The following BICC1 variants were observed in gnomAD, a reference collection of about 807,000 sequenced individuals.
BICC1 encodes the protein BicC family RNA binding protein 1, also known as protein bicaudal C homolog 1.
Under a neutral mutation model 111.0 loss-of-function variants are expected in BICC1, and 43 were observed. That is an observed-to-expected ratio of 0.39 (90% CI 0.30 to 0.50). The LOEUF (loss-of-function observed/expected upper bound fraction) is 0.50. Among genes scored for constraint, BICC1 ranks in the 20% least tolerant of loss-of-function variants. The probability of loss-of-function intolerance (pLI) is 0.88; values close to 1 mark genes in which losing one functional copy is unlikely to be tolerated. For synonymous variants in BICC1, 467 were observed against 434.4 expected (o/e 1.07, Z -0.93); for missense variants, 1,091 against 1,203.2 (o/e 0.91, Z 1.38).
intron 1 of BICC1, among the ~76,000 whole-genome samples, chr10:58,614,685 G>A (rs948124710): frequency 2.6e-5 from 4 of 152,052 alleles, no homozygotes; most frequent in African/African-American, 9.7e-5. Flanking sequence ...TTCTGTGAAG[G>A]GTGTTTAGTG....
chr10:58,762,560 T>C (rs1026206638), intron 3 of BICC1, among the ~76,000 whole-genome samples: 11 of 152,152 alleles, frequency 7.2e-5, no homozygotes, highest in African/African-American at 2.7e-4. Flanking sequence ...GGTTATTAAG[T>C]GGCCAGCATT....
chr10:58,545,648 A>AT (rs1843117398), intron 1 of BICC1, among the ~76,000 whole-genome samples: 1 of 152,048 alleles, frequency 6.6e-6, no homozygotes, highest in Non-Finnish European at 1.5e-5. Context: ...CAAATAACTG[A>AT]TTTTTCCATT....
intron 1 of BICC1, among the ~76,000 whole-genome samples, chr10:58,522,608 G>T (rs1398899906): frequency 2.0e-5 from 3 of 152,126 alleles, no homozygotes; most frequent in Non-Finnish European, 4.4e-5. Flanking sequence ...AAGCAGGAAA[G>T]ATCTAAAATT....
chr10:58,551,639 T>A (rs1300662057), intron 1 of BICC1, among the ~76,000 whole-genome samples: 1 of 152,192 alleles, frequency 6.6e-6, no homozygotes, highest in East Asian at 1.9e-4. Flanking sequence ...AACATCTTCC[T>A]AATTCCACAC....
intron 1 of BICC1, among the ~76,000 whole-genome samples, chr10:58,616,656 A>G (rs1336661889): frequency 6.6e-6 from 1 of 152,218 alleles, no homozygotes; most frequent in Non-Finnish European, 1.5e-5. Context: ...CGTTTTGGGC[A>G]TGGATATTTC....
At chr10:58,667,360 A>G (rs1177507273) in intron 2 of BICC1, among the ~76,000 whole-genome samples, 1 of 152,136 alleles carries the variant, frequency 6.6e-6, no homozygotes, top group Admixed American at 6.6e-5. Context: ...ATTTGAGGGA[A>G]TTTTATGAAG....
chr10:58,567,979 G>C (rs1177876157), intron 1 of BICC1, among the ~76,000 whole-genome samples: 1 of 152,038 alleles, frequency 6.6e-6, no homozygotes, highest in Non-Finnish European at 1.5e-5. Flanking sequence ...GGGGACAATG[G>C]GGAGGGAATC....
intron 3 of BICC1, among the ~76,000 whole-genome samples, chr10:58,714,196 T>G (rs1459781238): frequency 3.3e-5 from 5 of 152,190 alleles, no homozygotes; most frequent in Non-Finnish European, 7.3e-5. Context: ...CCCATTAGAA[T>G]CCATAGTGTC....
chr10:58,703,792 C>T (rs1055085865), intron 3 of BICC1, among the ~76,000 whole-genome samples: 1 of 152,170 alleles, frequency 6.6e-6, no homozygotes, highest in African/African-American at 2.4e-5. Flanking sequence ...GGCATTTTTA[C>T]TTAAAGAATA....
At chr10:58,716,702 C>CTTA (rs1564571361) in intron 3 of BICC1, among the ~76,000 whole-genome samples, 1 of 147,118 alleles carries the variant, frequency 6.8e-6, no homozygotes, top group East Asian at 1.9e-4. Flanking sequence ...TTTCAAAACC[C>CTTA]TTACTCTGTA....
intron 2 of BICC1, among the ~76,000 whole-genome samples, chr10:58,672,824 T>C (rs1286541497): frequency 1.3e-5 from 2 of 152,194 alleles, no homozygotes; most frequent in Non-Finnish European, 2.9e-5. Context: ...GACTAGGTGT[T>C]GGAAATTGAG....
intron 1 of BICC1, among the ~76,000 whole-genome samples, chr10:58,605,382 C>T: frequency 6.6e-6 from 1 of 152,200 alleles, no homozygotes; most frequent in East Asian, 1.9e-4. Flanking sequence ...TCTCCCCATT[C>T]ATTACCTTTA....
chr10:58,533,087 T>C (rs532084037), intron 1 of BICC1, among the ~76,000 whole-genome samples: 1 of 116,026 alleles, frequency 8.6e-6, no homozygotes, highest in African/African-American at 2.7e-5. Flanking sequence ...AAATAACATC[T>C]GGTTATTATG....
chr10:58,525,265 T>A (rs1164968560), intron 1 of BICC1, among the ~76,000 whole-genome samples: 7 of 122,764 alleles, frequency 5.7e-5, no homozygotes, highest in African/African-American at 1.9e-4. Context: ...CATGCACATG[T>A]ATGTTTATTG....
intron 2 of BICC1, among the ~76,000 whole-genome samples, chr10:58,660,941 T>A (rs572116020): frequency 6.6e-6 from 1 of 152,350 alleles, no homozygotes; most frequent in East Asian, 1.9e-4. Context: ...GAAAAGTATA[T>A]TTTTATCAGC....
At chr10:58,631,782 A>T (rs1006833653) in intron 2 of BICC1, among the ~76,000 whole-genome samples, 1 of 152,192 alleles carries the variant, frequency 6.6e-6, no homozygotes, top group Admixed American at 6.5e-5. Flanking sequence ...AACCAGCTTC[A>T]ATTTCCACGT....
intron 3 of BICC1, among the ~76,000 whole-genome samples, chr10:58,718,497 G>C (rs1428063042): frequency 6.6e-6 from 1 of 152,078 alleles, no homozygotes; most frequent in South Asian, 2.1e-4. Context: ...GGTAAAATTA[G>C]ACTTTTAAAT....
rs558161922 is a variant in BICC1, at chr10:58,645,614, C to T, written c.237+24713C>T. Among the ~76,000 whole-genome samples, 31 of 152,190 alleles carry T rather than the reference C, an allele frequency of 2.0e-4. No individual in the cohort carries two copies. In the South Asian group the frequency reaches 6.0e-3, roughly 30 times the overall value. ...CCATTTATATTTTGTGATCCTGGCT[C>T]GCAGTGTAGTAAACCCTATTACTAT... is the stretch of plus-strand genomic sequence containing the variant. On this transcript the variant is annotated intron_variant, in intron 2 of 20. Transcript: ENST00000373886.
chr10:58,611,640 T>C (rs1043321761), intron 1 of BICC1, among the ~76,000 whole-genome samples: 16 of 151,622 alleles, frequency 1.1e-4, no homozygotes, highest in African/African-American at 3.4e-4. Flanking sequence ...CACTCCCAGA[T>C]TATTATTATT....
Sources: allele counts gnomAD v4.1 joint callset (sites outside exome capture counted in the v4.1 genomes callset), GRCh38; gene constraint gnomAD v4.1.1; transcripts MANE v1.5; gene names NCBI Gene and HGNC (gene_info 2026-07-23, HGNC 2026-07-21).